The following WDHD1 variants were observed in gnomAD, a reference collection of about 807,000 sequenced individuals.
WDHD1 encodes the protein WD repeat and HMG-box DNA-binding protein 1.
A neutral mutation model predicts 135.4 loss-of-function variants in WDHD1; 111 were observed. That is an observed-to-expected ratio of 0.82 (90% CI 0.70 to 0.96). The LOEUF (loss-of-function observed/expected upper bound fraction) is 0.96. WDHD1 is among the 40% of genes least tolerant of loss of function. The probability of loss-of-function intolerance (pLI) is 0.00; values close to 1 mark genes in which losing one functional copy is unlikely to be tolerated. For missense variants in WDHD1, 1,351 were observed against 1,336.3 expected, an observed-to-expected ratio of 1.01 and a Z score of -0.17; for synonymous variants, 434 against 439.0, an observed-to-expected ratio of 0.99 and a Z score of 0.14.
At chr14:54,982,202 G>A (rs1464717529) in intron 15 of WDHD1, among the ~76,000 whole-genome samples, 1 of 151,750 alleles carries the variant, frequency 6.6e-6, no homozygotes. Flanking sequence ...GTAGAGACGG[G>A]GTTTCACCAT....
Position 55,008,356 on chromosome 14 carries a change from C to G in WDHD1, c.464G>C (p.Ser155Thr), listed in dbSNP as rs139081958. 1.4e-5 allele frequency: 22 copies of G among 1,613,580 alleles called. No individual in the cohort carries two copies. Among genetic ancestry groups the G allele is most frequent in the Non-Finnish European group, 1.7e-5 (20 of 1,179,822 alleles). ...DPKDIFLASA[S>T]CDGSVRVWQI... ...CCACACTCTGACAGATCCATCACAA[C>G]TAGCTGATGCCTGCAGGAATAAACA... The change falls in exon 6 of 26, where the codon AGT (serine) becomes ACT (threonine). Residue 155 changes from serine (S) to threonine (T), a missense_variant. Ser to Thr is a moderately conservative substitution (Grantham distance 58). Coordinates refer to ENST00000360586, the MANE Select transcript of WDHD1 (RefSeq NM_007086.4).
At position 54,945,223 on chromosome 14, in the gene WDHD1, G is replaced by A. The variant is rs2040903299; in HGVS notation, c.3051-753C>T. Among the ~76,000 whole-genome samples, 3 of 152,150 alleles carry A rather than the reference G, an allele frequency of 2.0e-5. No individual in the cohort carries two copies. The South Asian group carries it at 6.2e-4, about 31-fold the overall frequency. On this transcript the variant is annotated intron_variant, in intron 24 of 25. Coordinates refer to ENST00000360586, the MANE Select transcript of WDHD1 (RefSeq NM_007086.4). ...CAGAGCTGACCTGCATCAGCATTAG[G>A]TGAAGCACGGACACAGCACATTTGT... is the stretch of plus-strand genomic sequence containing the variant.
intron 22 of WDHD1, 91 bp from the exon 23 acceptor site, chr14:54,957,295 T>C (rs117649156): frequency 0.034 from 46,605 of 1,372,148 alleles, 899 homozygotes; most frequent in Middle Eastern, 0.04. Flanking sequence ...TCTGTTAAGT[T>C]TGTATTGCCA....
intron 2 of WDHD1, among the ~76,000 whole-genome samples, chr14:55,018,593 G>C (rs1318040593): frequency 4.6e-5 from 7 of 152,160 alleles, no homozygotes. Context: ...TATTGAAGAA[G>C]TGTACCCTGA....
intron 2 of WDHD1, among the ~76,000 whole-genome samples, chr14:55,022,158 T>G (rs1032546347): frequency 4.6e-5 from 7 of 152,152 alleles, no homozygotes; most frequent in Non-Finnish European, 7.3e-5. Flanking sequence ...TTAAAGGCAG[T>G]CCCTTACTAG....
intron 2 of WDHD1, among the ~76,000 whole-genome samples, chr14:55,014,613 T>A (rs2042230293): frequency 6.6e-6 from 1 of 152,192 alleles, no homozygotes; most frequent in Non-Finnish European, 1.5e-5. Context: ...ATAACTTGTT[T>A]TAAACTTATC....
chr14:54,982,823 AG>A (rs1180891928), intron 15 of WDHD1, among the ~76,000 whole-genome samples: 72 of 152,360 alleles, frequency 4.7e-4, no homozygotes, highest in Admixed American at 4.7e-3. Context: ...CTCCAAAAAG[AG>A]AAATATTTAA....
chr14:55,010,356 G>A lies in WDHD1; in HGVS notation c.294C>T (p.Asn98=), dbSNP rs1411800788. The A allele has an allele frequency of 6.2e-7, 1 of 1,612,280 alleles. No individual in the cohort carries two copies. ...GILTRFTTNA[N]HVVFNGDGTK... ...TACCATCCCCATTAAAGACCACATG[G>A]TTTGCATTTGTAGTGAAGCGAGTCA... Residue 98 remains asparagine (N), a synonymous_variant, in exon 4 of 26, where the codon AAC becomes AAT. Coordinates refer to ENST00000360586, the MANE Select transcript of WDHD1 (RefSeq NM_007086.4).
intron 7 of WDHD1, chr14:55,005,670 C>G: frequency 1.8e-6 from 1 of 546,480 alleles, no homozygotes; most frequent in South Asian, 1.6e-5. Context: ...ATTTGCAGGA[C>G]ATAGAGGTTC....
chr14:54,983,705 G>T (rs1414105832), intron 15 of WDHD1, among the ~76,000 whole-genome samples: 1 of 151,534 alleles, frequency 6.6e-6, no homozygotes, highest in South Asian at 2.1e-4. Context: ...TTTAAATAGA[G>T]ATGGGATCTC....
intron 7 of WDHD1, among the ~76,000 whole-genome samples, chr14:55,006,217 T>A (rs2042066696): frequency 6.6e-6 from 1 of 152,216 alleles, no homozygotes; most frequent in African/African-American, 2.4e-5. Context: ...AGGGAAGAAC[T>A]GACATCTTTA....
intron 15 of WDHD1, among the ~76,000 whole-genome samples, 166 bp downstream of exon 15, chr14:54,984,557 T>C (rs1344142828): frequency 2.0e-5 from 3 of 152,130 alleles, no homozygotes; most frequent in Admixed American, 6.5e-5. Context: ...TGCCTAAAGA[T>C]TGCAGCTCCC....
intron 18 of WDHD1, among the ~76,000 whole-genome samples, chr14:54,965,737 C>A (rs1273253338): frequency 2.0e-5 from 3 of 152,020 alleles, no homozygotes; most frequent in African/African-American, 7.2e-5. Flanking sequence ...AGGTGAATTA[C>A]CTGAGGTCAG....
chr14:54,981,660 C>T lies in WDHD1; in HGVS notation c.1943G>A (p.Arg648Gln), dbSNP rs372886136. The T allele has an allele frequency of 4.5e-5, 72 of 1,611,082 alleles. No individual in the cohort carries two copies. Among genetic ancestry groups the T allele is most frequent in the African/African-American group, 2.3e-4 (17 of 74,822 alleles). Reference sequence around the variant, plus strand: ...ATTACCAAGTCCTCTGTTAAGCATTCGAACAATTCCTTCTGAATCCACGTA... The same window carrying T: ...ATTACCAAGTCCTCTGTTAAGCATTTGAACAATTCCTTCTGAATCCACGTA... ...PCYVDSEGIV[R>Q]MLNRGLGNTW... The change falls in exon 16 of 26, where the codon CGA becomes CAA. Residue 648 changes from arginine (R) to glutamine (Q), a missense_variant. Arg to Gln is a conservative substitution (Grantham distance 43). Around this residue, in one of 2 missense-constraint regions of WDHD1, gnomAD observed 1,330 missense variants for 1,296.1 expected, o/e 1.03. Transcript: ENST00000360586.
At chr14:55,010,007 C>T (rs111864461) in intron 4 of WDHD1, among the ~76,000 whole-genome samples, 9,600 of 151,556 alleles carry the variant, frequency 0.063, 999 homozygotes, top group African/African-American at 0.21. Flanking sequence ...TTAGTAGAGA[C>T]GGGGTTTTGC....
chr14:54,951,406 G>A (rs1184123165), intron 24 of WDHD1, among the ~76,000 whole-genome samples: 1 of 152,046 alleles, frequency 6.6e-6, no homozygotes, highest in African/African-American at 2.4e-5. Context: ...AGAAGACATG[G>A]ATAAATTCCT....
At chr14:54,966,345 A>G in intron 18 of WDHD1, 130 bp downstream of exon 18, 1 of 1,217,210 alleles carries the variant, frequency 8.2e-7, no homozygotes. Flanking sequence ...ACAAAAAACA[A>G]CAACAACAAC....
intron 2 of WDHD1, among the ~76,000 whole-genome samples, chr14:55,018,250 C>T (rs974667950): frequency 1.3e-5 from 2 of 152,070 alleles, no homozygotes; most frequent in African/African-American, 4.8e-5. Flanking sequence ...TAAACTTAAG[C>T]TTTTGAAGCT....
In WDHD1 at chr14:54,939,814, T is replaced by C. The variant is rs1027979607; in HGVS notation, c.*1676A>G. On this transcript the variant is annotated 3_prime_UTR_variant, in exon 26 of 26. Transcript: ENST00000360586. The stretch of plus-strand genomic sequence containing the variant: ...TATACACAGATTATATCCTTAAGCA[T>C]TAGGTTGGCACAAAAGAAATCGCGG... The C allele has an allele frequency of 6.6e-6, 1 of 152,224 alleles. No homozygotes were observed. The highest frequency in any genetic ancestry group is 2.4e-5 in the African/African-American group (1 of 41,454). 9.4% of individuals were successfully genotyped at this position (152,224 alleles called of 1,614,324 possible).
Sources: allele counts gnomAD v4.1 joint callset (sites outside exome capture counted in the v4.1 genomes callset), GRCh38; gene constraint gnomAD v4.1.1; regional missense constraint gnomAD v4.1.1; transcripts MANE v1.5; gene names NCBI Gene and HGNC (gene_info 2026-07-23, HGNC 2026-07-21).